KDM4C: variants seen among roughly 807,000 people sequenced by gnomAD.
KDM4C encodes the protein lysine-specific demethylase 4C.
KDM4C carries 81 observed loss-of-function variants against 129.3 expected under a neutral mutation model. The observed-to-expected ratio is 0.63, with a 90% CI of 0.52 to 0.75. KDM4C has a LOEUF of 0.75. Among genes scored for constraint, KDM4C ranks in the 30% least tolerant of loss-of-function variants. KDM4C has a pLI of 0.00. For missense variants in KDM4C, 1,457 were observed against 1,304.0 expected (o/e 1.12, Z -1.81); for synonymous variants, 573 against 456.1 (o/e 1.26, Z -3.26).
At chr9:7,027,904 T>C (rs1478258171) in intron 15 of KDM4C, among the ~76,000 whole-genome samples, 4 of 152,224 alleles carry the variant, frequency 2.6e-5, no homozygotes, top group African/African-American at 9.6e-5. Flanking sequence ...ACTGCTGGGC[T>C]ACCACCAATA....
intron 7 of KDM4C, among the ~76,000 whole-genome samples, chr9:6,891,471 C>G (rs1315913332): frequency 6.6e-6 from 1 of 151,986 alleles, no homozygotes; most frequent in Non-Finnish European, 1.5e-5. Flanking sequence ...TCTGTAGAGA[C>G]AGAAGATAAA....
chr9:7,120,777 T>A (rs1839405326), intron 18 of KDM4C, among the ~76,000 whole-genome samples: 3 of 152,222 alleles, frequency 2.0e-5, no homozygotes, highest in South Asian at 2.1e-4. Flanking sequence ...CTTTCTTACA[T>A]CATATTTACT....
intron 15 of KDM4C, among the ~76,000 whole-genome samples, chr9:7,019,454 T>G (rs1308136898): frequency 6.6e-6 from 1 of 151,942 alleles, no homozygotes; most frequent in Non-Finnish European, 1.5e-5. Context: ...TGGAATTTTT[T>G]TTTTAAAAAA....
intron 17 of KDM4C, among the ~76,000 whole-genome samples, chr9:7,099,151 T>A (rs1836791965): frequency 6.6e-6 from 1 of 151,696 alleles, no homozygotes; most frequent in African/African-American, 2.4e-5. Context: ...GAAACAACAA[T>A]TAAAAAGCAT....
At chr9:6,849,010 G>A (rs551716278) in intron 4 of KDM4C, among the ~76,000 whole-genome samples, 10 of 152,332 alleles carry the variant, frequency 6.6e-5, no homozygotes, top group Non-Finnish European at 1.0e-4. Context: ...TGAATGGATA[G>A]GGATGGGAGA....
intron 17 of KDM4C, among the ~76,000 whole-genome samples, chr9:7,051,907 G>A (rs1440226927): frequency 3.9e-5 from 6 of 152,094 alleles, no homozygotes; most frequent in Admixed American, 1.3e-4. Context: ...ATAATTCTTC[G>A]TTGTGGAGGA....
chr9:6,768,219 G>T (rs958660081), intron 1 of KDM4C, among the ~76,000 whole-genome samples: 1 of 152,102 alleles, frequency 6.6e-6, no homozygotes, highest in East Asian at 1.9e-4. Context: ...TGAAATGCTT[G>T]TGTCTTCTCA....
intron 20 of KDM4C, among the ~76,000 whole-genome samples, chr9:7,168,244 T>G (rs1334853561): frequency 2.0e-5 from 3 of 150,310 alleles, no homozygotes; most frequent in African/African-American, 4.9e-5. Flanking sequence ...AAACTCTAGA[T>G]TTTTTTTTTA....
At chr9:7,092,827 A>G (rs1299572714) in intron 17 of KDM4C, among the ~76,000 whole-genome samples, 1 of 152,146 alleles carries the variant, frequency 6.6e-6, no homozygotes, top group Non-Finnish European at 1.5e-5. Flanking sequence ...TCTTGCACAC[A>G]TCTGCTTGGG....
At chr9:6,785,728 A>C (rs1047152990) in intron 1 of KDM4C, among the ~76,000 whole-genome samples, 3 of 152,138 alleles carry the variant, frequency 2.0e-5, no homozygotes, top group Admixed American at 2.0e-4. Flanking sequence ...ATTTGCAAAA[A>C]CTTTATTTCC....
chr9:6,842,820 C>T (rs1395150063), intron 4 of KDM4C, among the ~76,000 whole-genome samples: 1 of 152,156 alleles, frequency 6.6e-6, no homozygotes, highest in Non-Finnish European at 1.5e-5. Flanking sequence ...ATATACCTGG[C>T]TGCCTTCACT....
At chr9:6,754,970 G>T (rs1407791230), upstream of KDM4C, among the ~76,000 whole-genome samples, 1 of 152,084 alleles carries the variant, frequency 6.6e-6, no homozygotes, top group African/African-American at 2.4e-5. Flanking sequence ...AGGCATGGTG[G>T]CTCACGTCTG....
At chr9:6,887,365 C>T (rs146957990) in intron 6 of KDM4C, among the ~76,000 whole-genome samples, 26 of 152,318 alleles carry the variant, frequency 1.7e-4, no homozygotes, top group Non-Finnish European at 2.8e-4. Flanking sequence ...TTAAAAGCCT[C>T]CTCAAAACAC....
intron 6 of KDM4C, 30 bp from the exon 7 acceptor site, chr9:6,887,930 G>A (rs1187654218): frequency 8.0e-7 from 1 of 1,249,890 alleles, no homozygotes; most frequent in Middle Eastern, 1.9e-4. Flanking sequence ...AATCGACACA[G>A]TGCCACTTAC....
chr9:6,850,977 AC>A (rs1363305046), intron 5 of KDM4C, among the ~76,000 whole-genome samples: 1 of 149,764 alleles, frequency 6.7e-6, no homozygotes, highest in Admixed American at 6.7e-5. Flanking sequence ...CTGGTCTCGA[AC>A]TCTTGACCTC....
chr9:7,113,500 T>G (rs1351737779), intron 18 of KDM4C, among the ~76,000 whole-genome samples: 5 of 152,202 alleles, frequency 3.3e-5, no homozygotes, highest in Admixed American at 1.3e-4. Flanking sequence ...ACTGCTGATC[T>G]TTTGCCATTT....
At chr9:6,952,815 G>A (rs1206531828) in intron 8 of KDM4C, among the ~76,000 whole-genome samples, 1 of 152,174 alleles carries the variant, frequency 6.6e-6, no homozygotes, top group Non-Finnish European at 1.5e-5. Context: ...AAAGATGAAC[G>A]TAAGATAAAT....
chr9:6,874,459 A>G (rs1415339693), intron 5 of KDM4C, among the ~76,000 whole-genome samples: 2 of 152,166 alleles, frequency 1.3e-5, no homozygotes, highest in Admixed American at 6.5e-5. Flanking sequence ...AGTGACTTTT[A>G]CTGATTTTCA....
intron 8 of KDM4C, among the ~76,000 whole-genome samples, chr9:6,961,030 ACT>A (rs1475804060): frequency 6.6e-6 from 1 of 152,046 alleles, no homozygotes; most frequent in Non-Finnish European, 1.5e-5. Context: ...CTTCTAGGAC[ACT>A]CTCAAATTCA....
Sources: allele counts gnomAD v4.1 joint callset (sites outside exome capture counted in the v4.1 genomes callset), GRCh38; gene constraint gnomAD v4.1.1; transcripts MANE v1.5; gene names NCBI Gene and HGNC (gene_info 2026-07-23, HGNC 2026-07-21).